The following TIMM23B variants were observed in gnomAD, a reference collection of about 807,000 sequenced individuals.
The protein encoded by TIMM23B is mitochondrial import inner membrane translocase subunit Tim23B.
A neutral mutation model predicts 27.3 loss-of-function variants in TIMM23B; 27 were observed. That is an observed-to-expected ratio of 0.99 (90% CI 0.73 to 1.36). The LOEUF (loss-of-function observed/expected upper bound fraction) is 1.36. Ranked by LOEUF, TIMM23B falls within the 40% of genes most tolerant of loss-of-function variation. The pLI is 0.00. For synonymous variants in TIMM23B, 73 were observed against 92.4 expected, an observed-to-expected ratio of 0.79 and a Z score of 1.21; for missense variants, 205 against 244.2, an observed-to-expected ratio of 0.84 and a Z score of 1.07.
At chr10:49,961,634 C>T (rs1470414349) in intron 6 of TIMM23B, among the ~76,000 whole-genome samples, 2 of 151,566 alleles carry the variant, frequency 1.3e-5, no homozygotes, top group Admixed American at 1.3e-4. Context: ...CGGTCTTGCT[C>T]TGTCACCCAG....
chr10:49,973,578 G>C lies in TIMM23B; in HGVS notation c.*514G>C, dbSNP rs1840542253. 1.3e-5 allele frequency: 2 copies of C among 152,976 alleles called. No individual in the cohort carries two copies. Among genetic ancestry groups the C allele is most frequent in the Admixed American group, 1.3e-4 (2 of 15,436 alleles). The allele number at this position is 152,976 out of a possible 1,614,324, so 9.5% of individuals were successfully genotyped here. A position where few individuals can be genotyped will look rare whatever the true frequency, so the allele number is the denominator to read the frequency against. On this transcript the variant is annotated 3_prime_UTR_variant, in exon 7 of 7. Transcript: ENST00000651259. Reference sequence around the variant, plus strand: ...TATAGTTCAGGCTACTGAGGAGCCTGATGTAGGAGGATCACGTGACCCCAG... The same window carrying C: ...TATAGTTCAGGCTACTGAGGAGCCTCATGTAGGAGGATCACGTGACCCCAG...
chr10:49,967,905 C>T (rs1840235525), intron 6 of TIMM23B, among the ~76,000 whole-genome samples: 1 of 150,694 alleles, frequency 6.6e-6, no homozygotes. Context: ...AAACACCTCC[C>T]ACTCAACTCC....
intron 4 of TIMM23B, among the ~76,000 whole-genome samples, chr10:49,952,920 T>C (rs1839585730): frequency 6.6e-6 from 1 of 152,154 alleles, no homozygotes; most frequent in East Asian, 1.9e-4. Flanking sequence ...ATGAGAGTGA[T>C]GGCTCAAGCT....
intron 1 of TIMM23B, chr10:49,943,400 T>C (rs1564676594): frequency 1.3e-5 from 2 of 152,092 alleles, no homozygotes; most frequent in South Asian, 4.1e-4. Context: ...AATTTTTTTT[T>C]TGACTTATTG....
chr10:49,951,316 T>C (rs1839520285), intron 2 of TIMM23B, among the ~76,000 whole-genome samples: 1 of 152,188 alleles, frequency 6.6e-6, no homozygotes, highest in African/African-American at 2.4e-5. Flanking sequence ...ATGTGTCTTT[T>C]TGCCAAGGGT....
At chr10:49,965,050 G>C (rs1840078085) in intron 6 of TIMM23B, among the ~76,000 whole-genome samples, 1 of 152,158 alleles carries the variant, frequency 6.6e-6, no homozygotes, top group African/African-American at 2.4e-5. Flanking sequence ...GTGAAACCCT[G>C]TCTCTACTAA....
rs1839313817 is a variant in TIMM23B at position 49,945,077 on chromosome 10, G to A, written c.152G>A (p.Arg51Gln). The change falls in exon 2 of 7, where the codon CGA (arginine) becomes CAA (glutamine). Residue 51 changes from arginine (R) to glutamine (Q), a missense_variant. Coordinates refer to ENST00000651259, the MANE Select transcript of TIMM23B (RefSeq NM_001290117.2). ...PLCPYLNVDPRYLVQDTDEFI... is the reference protein window; with the variant it reads ...PLCPYLNVDPQYLVQDTDEFI... ...TGTCCTTATTTAAATGTGGATCCAC[G>A]ATACCTCGTGCAGGTAAGACTAAGA... 5 of 1,608,168 alleles carry A rather than the reference G, an allele frequency of 3.1e-6. No individual in the cohort carries two copies. Among genetic ancestry groups the A allele is most frequent in the East Asian group, 2.2e-5 (1 of 44,852 alleles).
At position 49,973,247 on chromosome 10, in the gene TIMM23B, G is replaced by A. The variant is rs367637379; in HGVS notation, c.*183G>A. The A allele has an allele frequency of 0.013, 6,593 of 488,394 alleles. 55 individuals carry two copies. The highest frequency in any genetic ancestry group is 0.039 in the Middle Eastern group (76 of 1,930). The allele number at this position is 488,394 out of a possible 1,614,324, so 30.3% of individuals were successfully genotyped here. On this transcript the variant is annotated 3_prime_UTR_variant, in exon 7 of 7. Coordinates refer to ENST00000651259, the MANE Select transcript of TIMM23B (RefSeq NM_001290117.2). The stretch of plus-strand genomic sequence containing the variant: ...TTTAAAGGAGAAAAAGAAACGTGAA[G>A]TCATGAACTGTTTATTTATGCTGTT...
At chr10:49,943,562 T>C (rs1175817947) in intron 1 of TIMM23B, among the ~76,000 whole-genome samples, 28,683 of 151,340 alleles carry the variant, frequency 0.19, 3,254 homozygotes, top group Non-Finnish European at 0.27. Flanking sequence ...ATCTTAGTAT[T>C]TCTGAGTTTC....
At position 49,954,992 on chromosome 10, in the gene TIMM23B, G is replaced by C. The variant is rs1460442394; in HGVS notation, c.345-10G>C. Reference sequence around the variant, plus strand: ...CTAAATACAGATTCTTTCTCTTTCTGCCCTGATAGGATTTTGAATATGGTG... The same window carrying C: ...CTAAATACAGATTCTTTCTCTTTCTCCCCTGATAGGATTTTGAATATGGTG... On this transcript the variant is annotated splice_polypyrimidine_tract_variant and intron_variant, in intron 4 of 6. Transcript: ENST00000651259. The C allele has an allele frequency of 6.2e-7, 1 of 1,612,314 alleles. No individual in the cohort carries two copies. The highest frequency in any genetic ancestry group is 1.3e-5 in the African/African-American group (1 of 74,820).
At chr10:49,954,862 G>A (rs1839662631) in intron 4 of TIMM23B, 140 bp from the exon 5 acceptor site, 6 of 691,436 alleles carry the variant, frequency 8.7e-6, no homozygotes, top group Middle Eastern at 3.0e-4. Flanking sequence ...TATTGAAATC[G>A]GAGATATTAA....
intron 6 of TIMM23B, among the ~76,000 whole-genome samples, chr10:49,969,768 C>G (rs1391359056): frequency 1.3e-5 from 2 of 151,516 alleles, no homozygotes; most frequent in African/African-American, 2.4e-5. Flanking sequence ...CTCTCCCTCT[C>G]CCCACGGTCT....
Position 49,942,351 on chromosome 10 carries a change from C to T in TIMM23B, c.106+51C>T. 1.9e-6 allele frequency: 3 copies of T among 1,572,130 alleles called. No individual in the cohort carries two copies. The South Asian group carries it at 3.5e-5, about 18-fold the overall frequency. ...TATTTCTGACTGGTTCTTGCGTTTA[C>T]ACTAAAGTTGCGCGTCCCATGTTTT... On this transcript the variant is annotated intron_variant, in intron 1 of 6. Coordinates refer to ENST00000651259, the MANE Select transcript of TIMM23B (RefSeq NM_001290117.2).
chr10:49,946,910 A>G (rs1163889730), intron 2 of TIMM23B, among the ~76,000 whole-genome samples: 3 of 151,888 alleles, frequency 2.0e-5, no homozygotes, highest in Admixed American at 1.3e-4. Flanking sequence ...AAAACTTTCT[A>G]CAGAGCCACA....
rs1211519360 is a variant in TIMM23B at position 49,960,212 on chromosome 10, T to A, written c.514+1732T>A. Among the ~76,000 whole-genome samples, 36 of 93,348 alleles carry A rather than the reference T, an allele frequency of 3.9e-4. No homozygotes were observed. The Middle Eastern group carries it at 0.018, about 46-fold the overall frequency. The allele number at this position is 93,348 out of a possible 152,430, so 61.2% of individuals were successfully genotyped here. A position where few individuals can be genotyped will look rare whatever the true frequency, so the allele number is the denominator to read the frequency against. On this transcript the variant is annotated intron_variant, in intron 6 of 6. Coordinates refer to ENST00000651259, the MANE Select transcript of TIMM23B (RefSeq NM_001290117.2). Reference sequence around the variant, plus strand: ...GCACACGCCTCCACACCCAGCTAATTTTTTTTTTTTTTTTCTTTTTCGGAG... The same window carrying A: ...GCACACGCCTCCACACCCAGCTAATATTTTTTTTTTTTTTCTTTTTCGGAG...
At chr10:49,969,882 C>T (rs1344344134) in intron 6 of TIMM23B, among the ~76,000 whole-genome samples, 3 of 151,522 alleles carry the variant, frequency 2.0e-5, no homozygotes, top group African/African-American at 7.3e-5. Flanking sequence ...GCTCACTGCA[C>T]CCTCCCTGCC....
intron 6 of TIMM23B, among the ~76,000 whole-genome samples, chr10:49,967,177 CCT>C (rs1554855573): frequency 2.0e-5 from 3 of 152,152 alleles, no homozygotes; most frequent in Non-Finnish European, 4.4e-5. Flanking sequence ...CCTGCCTTGG[CCT>C]CCCAAGTATT....
intron 6 of TIMM23B, among the ~76,000 whole-genome samples, chr10:49,963,714 C>G (rs556982442): frequency 6.6e-6 from 1 of 152,280 alleles, no homozygotes; most frequent in South Asian, 2.1e-4. Flanking sequence ...GCCTGTAATC[C>G]TAGCACTTTG....
intron 6 of TIMM23B, among the ~76,000 whole-genome samples, chr10:49,963,120 C>T (rs1320306021): frequency 1.3e-4 from 19 of 151,688 alleles, no homozygotes; most frequent in African/African-American, 3.9e-4. Flanking sequence ...CTCGAACTCC[C>T]GACCTCAGGT....
Sources: gnomAD v4.1 joint callset for allele counts (sites outside exome capture counted in the v4.1 genomes callset) on GRCh38, gnomAD v4.1.1 for gene constraint, MANE v1.5 for transcripts, NCBI Gene and HGNC (gene_info 2026-07-23, HGNC 2026-07-21) for gene names.